The following POU6F2 variants were observed in gnomAD, a reference collection of about 807,000 sequenced individuals.
POU6F2 encodes the protein POU class 6 homeobox 2, also known as POU domain, class 6, transcription factor 2.
In POU6F2, 31 loss-of-function variants were observed where a neutral mutation model predicts 71.3. That is an observed-to-expected ratio of 0.43 (90% CI 0.33 to 0.59). The LOEUF (loss-of-function observed/expected upper bound fraction) is 0.59, where lower values mean the gene tolerates loss of function less well. Among genes scored for constraint, POU6F2 ranks in the 20% least tolerant of loss-of-function variants. POU6F2 has a pLI of 0.04. For missense variants in POU6F2, 783 were observed against 856.8 expected, an observed-to-expected ratio of 0.91 and a Z score of 1.07; for synonymous variants, 347 against 355.7, an observed-to-expected ratio of 0.98 and a Z score of 0.27.
Position 39,416,093 on chromosome 7 carries a change from TACACACACACACAC to T in POU6F2, c.1113+9386_1113+9399del, listed in dbSNP as rs57579748. On this transcript the variant is annotated intron_variant, in intron 6 of 9. Transcript: ENST00000518318. ...ACCTCACAGATTTCTCTCGAAGGCA[TACACACACACACAC>T]ACACACACACACACACACACACACA... Among the ~76,000 whole-genome samples, 206 of 139,300 alleles carry T rather than the reference TACACACACACACAC, an allele frequency of 1.5e-3. 1 individual carries two copies. Among genetic ancestry groups the T allele is most frequent in the African/African-American group, 4.5e-3 (168 of 37,088 alleles). The allele number at this position is 139,300 out of a possible 152,430, so 91.4% of individuals were successfully genotyped here.
intron 5 of POU6F2, among the ~76,000 whole-genome samples, chr7:39,392,343 C>A (rs1425285055): frequency 6.6e-6 from 1 of 152,202 alleles, no homozygotes; most frequent in Non-Finnish European, 1.5e-5. Context: ...AGGGTAGATG[C>A]TGAGAATTTG....
At chr7:39,341,637 A>C (rs1468326369) in intron 5 of POU6F2, among the ~76,000 whole-genome samples, 3 of 152,240 alleles carry the variant, frequency 2.0e-5, no homozygotes, top group African/African-American at 7.2e-5. Flanking sequence ...GCACCAAAAT[A>C]GGTAAAATTA....
intron 2 of POU6F2, among the ~76,000 whole-genome samples, chr7:39,102,874 T>C (rs1791604976): frequency 6.6e-6 from 1 of 152,212 alleles, no homozygotes; most frequent in African/African-American, 2.4e-5. Context: ...ACTGTACAAA[T>C]ACTGTAGCCA....
At chr7:39,159,678 G>A (rs1244732891) in intron 2 of POU6F2, among the ~76,000 whole-genome samples, 2 of 151,898 alleles carry the variant, frequency 1.3e-5, no homozygotes, top group Non-Finnish European at 2.9e-5. Flanking sequence ...GGTGGGAAGA[G>A]GTAACAAAAA....
rs548838714 is a variant in POU6F2, at chr7:39,088,251, A to G, written c.277+2220A>G. Among the ~76,000 whole-genome samples, 12 of 152,320 alleles carry G rather than the reference A, an allele frequency of 7.9e-5. 1 individual carries two copies. The South Asian group carries it at 2.5e-3, about 32-fold the overall frequency. ...AGAGACAATATGAGAAAGAAAGAAT[A>G]GAAAGGATCAGGAGGAAGACACTCT... is the stretch of plus-strand genomic sequence containing the variant. On this transcript the variant is annotated intron_variant, in intron 2 of 9. Transcript: ENST00000518318.
At chr7:39,193,361 T>C (rs10224345) in intron 2 of POU6F2, among the ~76,000 whole-genome samples, 126,412 of 152,154 alleles carry the variant, frequency 0.83, 52,975 homozygotes, top group East Asian at 1. Flanking sequence ...ATACTGGGAA[T>C]GTAGAGTGCT....
chr7:39,291,928 T>G (rs1397769453), intron 4 of POU6F2, among the ~76,000 whole-genome samples: 2 of 151,476 alleles, frequency 1.3e-5, no homozygotes, highest in Admixed American at 6.6e-5. Flanking sequence ...GACTCTGTAT[T>G]TTTACTATTC....
chr7:39,009,420 G>T (rs1159532277), intron 1 of POU6F2, among the ~76,000 whole-genome samples: 1 of 152,074 alleles, frequency 6.6e-6, no homozygotes, highest in East Asian at 1.9e-4. Flanking sequence ...AGGAGATTTT[G>T]GGCTGAGACA....
At chr7:39,406,798 A>G in intron 6 of POU6F2, 58 bp downstream of exon 6, 1 of 1,593,054 alleles carries the variant, frequency 6.3e-7, no homozygotes, top group Non-Finnish European at 8.6e-7. Context: ...TCGGAAAGGA[A>G]TTGAATTTCT....
chr7:39,225,078 A>G (rs1421231922), intron 4 of POU6F2, among the ~76,000 whole-genome samples: 1 of 152,214 alleles, frequency 6.6e-6, no homozygotes, highest in Non-Finnish European at 1.5e-5. Context: ...AAAAACAAAA[A>G]CCTCAAACCA....
intron 5 of POU6F2, among the ~76,000 whole-genome samples, chr7:39,384,322 G>A (rs553432014): frequency 2.6e-5 from 4 of 152,126 alleles, no homozygotes; most frequent in South Asian, 2.1e-4. Context: ...TTGTAATAGC[G>A]GTGACAGATG....
intron 9 of POU6F2, among the ~76,000 whole-genome samples, chr7:39,463,141 T>G (rs1788986815): frequency 6.6e-6 from 1 of 152,218 alleles, no homozygotes; most frequent in Non-Finnish European, 1.5e-5. Flanking sequence ...GGATTTAGAA[T>G]AAACAAACAA....
chr7:39,251,942 A>G (rs1783927565), intron 4 of POU6F2, among the ~76,000 whole-genome samples: 1 of 152,174 alleles, frequency 6.6e-6, no homozygotes, highest in Admixed American at 6.5e-5. Flanking sequence ...GACTCAAAAT[A>G]TATGAAAGGG....
At chr7:39,286,124 G>A (rs1784645778) in intron 4 of POU6F2, among the ~76,000 whole-genome samples, 1 of 152,186 alleles carries the variant, frequency 6.6e-6, no homozygotes, top group Admixed American at 6.5e-5. Flanking sequence ...AAGTGAGAGA[G>A]TTAACCTGGG....
chr7:39,451,773 TG>T, intron 8 of POU6F2, 72 bp downstream of exon 8: 1 of 1,457,210 alleles, frequency 6.9e-7, no homozygotes, highest in Non-Finnish European at 9.4e-7. Flanking sequence ...TCTTCCTTCT[TG>T]TCTCTCTCTC....
At position 39,451,533 on chromosome 7, in the gene POU6F2, C is replaced by T. The variant is rs1202838497; in HGVS notation, c.1321C>T (p.Leu441Phe). Reference protein sequence around the residue: ...TLSPIKPGQQLHQPSQTSVGQ... With the variant: ...TLSPIKPGQQFHQPSQTSVGQ... ...ATTTTTTTTACATCCCCTCATGTAG[C>T]TCCACCAACCCTCCCAGACGTCAGT... The change falls in exon 8 of 10, where the codon CTC (leucine) becomes TTC (phenylalanine). Residue 441 changes from leucine to phenylalanine, a missense_variant and splice_region_variant. Leu to Phe is a conservative substitution (Grantham distance 22, BLOSUM62 0). Transcript: ENST00000518318. 1 of 1,611,074 alleles carries T rather than the reference C, an allele frequency of 6.2e-7. No homozygotes were observed. Among genetic ancestry groups the T allele is most frequent in the Admixed American group, 1.7e-5 (1 of 59,828 alleles).
chr7:39,150,088 T>G (rs1425586047), intron 2 of POU6F2, among the ~76,000 whole-genome samples: 2 of 152,166 alleles, frequency 1.3e-5, no homozygotes, highest in East Asian at 3.9e-4. Context: ...GGTTTCACCC[T>G]GTTAGCCAAG....
intron 4 of POU6F2, among the ~76,000 whole-genome samples, chr7:39,249,498 A>G (rs1235681972): frequency 2.6e-5 from 4 of 152,244 alleles, no homozygotes; most frequent in Non-Finnish European, 5.9e-5. Flanking sequence ...GAAGGATTAC[A>G]TTACGCCTTT....
chr7:39,314,965 CA>C (rs1785234632), intron 4 of POU6F2, among the ~76,000 whole-genome samples: 2 of 152,126 alleles, frequency 1.3e-5, no homozygotes, highest in African/African-American at 4.8e-5. Flanking sequence ...TGATCAAAAT[CA>C]AAACATAGCA....
Sources: allele counts gnomAD v4.1 joint callset (sites outside exome capture counted in the v4.1 genomes callset), GRCh38; gene constraint gnomAD v4.1.1; transcripts MANE v1.5; gene names NCBI Gene and HGNC (gene_info 2026-07-23, HGNC 2026-07-21).